ARVCF: variants seen among roughly 807,000 people sequenced by gnomAD.
ARVCF encodes splicing regulator ARVCF.
ARVCF carries 66 observed loss-of-function variants against 90.9 expected under a neutral mutation model. The ratio of observed to expected loss-of-function variants is 0.73; its 90% CI spans 0.60 to 0.89. The LOEUF is 0.89. ARVCF is among the 40% of genes least tolerant of loss of function. The pLI, the probability that ARVCF is intolerant of heterozygous loss-of-function variation, is 0.00. For missense variants in ARVCF, 1,469 were observed against 1,382.3 expected (o/e 1.06, Z -1.00); for synonymous variants, 653 against 603.4 (o/e 1.08, Z -1.21).
chr22:19,986,991 C>T (rs1433575051), intron 3 of ARVCF: 3 of 636,330 alleles, frequency 4.7e-6, no homozygotes, highest in Non-Finnish European at 2.8e-6. Context: ...GGAACAAAAG[C>T]GGGTCCTCCC....
chr22:19,979,879 G>A lies in ARVCF; in HGVS notation c.1260C>T (p.Ala420=), dbSNP rs1424206335. The part of the protein sequence containing the change: ...DHPRAEVRRR[A]CGALRNLSYG... ...AGGAGAGGTTGCGCAGTGCCCCACA[G>A]GCCCGGCGCCGCACCTCAGCCCGCG... Residue 420 remains alanine, a synonymous_variant, in exon 6 of 20, where the codon GCC becomes GCT. Transcript: ENST00000263207. The A allele has an allele frequency of 4.4e-5, 70 of 1,607,312 alleles. No homozygotes were observed. The highest frequency in any genetic ancestry group is 5.9e-5 in the Non-Finnish European group (70 of 1,177,916).
At chr22:19,994,101 CA>C (rs1483054581) in intron 2 of ARVCF, among the ~76,000 whole-genome samples, 1 of 151,734 alleles carries the variant, frequency 6.6e-6, no homozygotes, top group Admixed American at 6.6e-5. Context: ...CAGATGGATA[CA>C]GGGGTGGATG....
intron 2 of ARVCF, among the ~76,000 whole-genome samples, chr22:20,008,747 G>A (rs1260003409): frequency 6.6e-6 from 1 of 152,208 alleles, no homozygotes; most frequent in Non-Finnish European, 1.5e-5. Flanking sequence ...GAGCAGAGAT[G>A]GCACAAATGC....
In ARVCF at chr22:19,980,256, T is replaced by C. The variant is rs933857535; in HGVS notation, c.897-14A>G. On this transcript the variant is annotated splice_polypyrimidine_tract_variant and intron_variant, in intron 5 of 19. Coordinates refer to ENST00000263207, the MANE Select transcript of ARVCF (RefSeq NM_001670.3). ...TCCTCGTAGGCCCTGCACAGGCAAG[T>C]GGGGCGCGTGGACATCGTCACAGCA... is the stretch of plus-strand genomic sequence containing the variant. 2.0e-6 allele frequency: 3 copies of C among 1,501,568 alleles called. No homozygotes were observed. Among genetic ancestry groups the C allele is most frequent in the South Asian group, 2.6e-5 (2 of 75,772 alleles). 93.0% of individuals were successfully genotyped at this position (1,501,568 alleles called of 1,614,324 possible).
chr22:19,990,480 A>T, intron 3 of ARVCF, 105 bp downstream of exon 3: 1 of 1,375,924 alleles, frequency 7.3e-7, no homozygotes, highest in Non-Finnish European at 9.9e-7. Context: ...GAGCCCCAGC[A>T]AATCTTGCAA....
intron 1 of ARVCF, 102 bp downstream of exon 1, chr22:20,016,487 T>C (rs1945178692): frequency 6.6e-6 from 1 of 152,128 alleles, no homozygotes; most frequent in African/African-American, 2.4e-5. Flanking sequence ...TCCGGACCGC[T>C]GCCCGGAATG....
At chr22:19,968,439 G>A (rs958149405), downstream of ARVCF, 7 of 1,189,806 alleles carry the variant, frequency 5.9e-6, no homozygotes, top group Admixed American at 7.8e-5. Flanking sequence ...GCACAGGCGT[G>A]GTGCCGTGGC....
At chr22:19,991,172 C>G (rs1944011841) in intron 2 of ARVCF, among the ~76,000 whole-genome samples, 1 of 152,258 alleles carries the variant, frequency 6.6e-6, no homozygotes, top group Non-Finnish European at 1.5e-5. Context: ...TGCCAGCCCA[C>G]CCTCCATTTC....
At chr22:20,006,603 CATA>C (rs1569194634) in intron 2 of ARVCF, among the ~76,000 whole-genome samples, 2 of 148,260 alleles carry the variant, frequency 1.3e-5, no homozygotes, top group East Asian at 4.0e-4. Flanking sequence ...GGCTCCCTCA[CATA>C]ATAAGTAAGA....
chr22:19,972,588 G>C lies in ARVCF; in HGVS notation c.2641+149C>G, dbSNP rs1002639278. 4.4e-6 allele frequency: 5 copies of C among 1,128,224 alleles called. No homozygotes were observed. In the African/African-American group the frequency reaches 4.7e-5, roughly 11 times the overall value. The allele number at this position is 1,128,224 out of a possible 1,614,324, so 69.9% of individuals were successfully genotyped here. A position where few individuals can be genotyped will look rare whatever the true frequency, so the allele number is the denominator to read the frequency against. On this transcript the variant is annotated intron_variant, in intron 16 of 19. Coordinates refer to ENST00000263207, the MANE Select transcript of ARVCF (RefSeq NM_001670.3). The stretch of plus-strand genomic sequence containing the variant: ...CAACAGCGCGGATGCTGTGGGAAGG[G>C]AGTAGCCAAGAGGCAGAGGGCAGGG...
chr22:19,966,703 A>C (rs936792609), downstream of ARVCF, among the ~76,000 whole-genome samples: 5 of 152,030 alleles, frequency 3.3e-5, no homozygotes, highest in Middle Eastern at 3.4e-3. Flanking sequence ...AACCTCCCAA[A>C]GTGCTGGGAG....
chr22:19,978,728 T>C (rs956193511), intron 7 of ARVCF, among the ~76,000 whole-genome samples, 169 bp downstream of exon 7: 6 of 151,534 alleles, frequency 4.0e-5, no homozygotes, highest in Admixed American at 3.9e-4. Flanking sequence ...CACTTGGGGG[T>C]GAGGACAGCT....
At position 19,979,830 on chromosome 22, in the gene ARVCF, C is replaced by T; in HGVS notation, c.1309G>A (p.Ala437Thr). 5 of 1,609,784 alleles carry T rather than the reference C, an allele frequency of 3.1e-6. No individual in the cohort carries two copies. The highest frequency in any genetic ancestry group is 4.2e-6 in the Non-Finnish European group (5 of 1,178,952). ...ACACCACCGCAGTCCCGGATGGCGG[C>T]CTTGTTGTCAGTGTCGCGGCCATAG... ...LSYGRDTDNK[A>T]AIRDCGGVPA... is the part of the protein sequence containing the mutation. Residue 437 changes from alanine to threonine, a missense_variant, in exon 6 of 20, where the codon GCC (alanine) becomes ACC (threonine). By Grantham distance (58) the Ala-to-Thr change is moderately conservative. Coordinates refer to ENST00000263207, the MANE Select transcript of ARVCF (RefSeq NM_001670.3).
chr22:19,992,077 T>C (rs143588355), intron 2 of ARVCF, among the ~76,000 whole-genome samples: 62 of 152,326 alleles, frequency 4.1e-4, no homozygotes, highest in African/African-American at 1.3e-3. Flanking sequence ...AAAGCAGCGC[T>C]GGGCTCAGCT....
chr22:19,985,195 G>A (rs917789148), intron 3 of ARVCF, among the ~76,000 whole-genome samples: 3 of 152,182 alleles, frequency 2.0e-5, no homozygotes, highest in Non-Finnish European at 4.4e-5. Flanking sequence ...GCTGCATCCT[G>A]TCAGTCGTCT....
chr22:20,014,151 AT>A (rs2146520029), intron 1 of ARVCF, among the ~76,000 whole-genome samples: 1 of 148,068 alleles, frequency 6.8e-6, no homozygotes, highest in African/African-American at 2.5e-5. Flanking sequence ...AAGTGCTGGG[AT>A]TACAGGTACG....
At chr22:19,983,038 G>A (rs7289504) in intron 3 of ARVCF, among the ~76,000 whole-genome samples, 1,924 of 152,326 alleles carry the variant, frequency 0.013, 42 homozygotes, top group African/African-American at 0.043. Flanking sequence ...AACCCCTGCC[G>A]CGCTGAGTGG....
At chr22:19,973,493 G>A (rs1043441427) in intron 13 of ARVCF, 150 bp downstream of exon 13, 6 of 1,366,870 alleles carry the variant, frequency 4.4e-6, no homozygotes, top group South Asian at 1.4e-5. Flanking sequence ...GGGCCGGGGG[G>A]ACTGGAGCTA....
intron 9 of ARVCF, 89 bp downstream of exon 9, chr22:19,977,326 C>T: frequency 7.0e-7 from 1 of 1,438,026 alleles, no homozygotes; most frequent in Non-Finnish European, 9.2e-7. Flanking sequence ...CTCTAGCCTC[C>T]ATGATGGGCT....
Sources: gnomAD v4.1 joint callset for allele counts (sites outside exome capture counted in the v4.1 genomes callset) on GRCh38, gnomAD v4.1.1 for gene constraint, MANE v1.5 for transcripts, NCBI Gene and HGNC (gene_info 2026-07-23, HGNC 2026-07-21) for gene names.